Variants in FSTL5 observed in about 807,000 individuals in gnomAD.
FSTL5 encodes follistatin-related protein 5.
In FSTL5, 62 loss-of-function variants were observed where a neutral mutation model predicts 89.1. The ratio of observed to expected loss-of-function variants is 0.70; its 90% confidence interval spans 0.57 to 0.86. The LOEUF (loss-of-function observed/expected upper bound fraction) is 0.86, where lower values mean the gene tolerates loss of function less well. FSTL5 is among the 40% of genes least tolerant of loss of function. FSTL5 has a pLI of 0.00. For missense variants in FSTL5, 1,057 were observed against 1,001.6 expected (o/e 1.06, Z -0.75); for synonymous variants, 383 against 346.2 (o/e 1.11, Z -1.18).
At chr4:161,831,799 C>CATATATATAT (rs201582755) in intron 4 of FSTL5, among the ~76,000 whole-genome samples, 54 of 151,584 alleles carry the variant, frequency 3.6e-4, no homozygotes, top group African/African-American at 1.3e-3. Context: ...TATATAACAG[C>CATATATATAT]ATATATATAC....
At chr4:161,968,138 T>C (rs1182737911) in intron 3 of FSTL5, among the ~76,000 whole-genome samples, 1 of 152,064 alleles carries the variant, frequency 6.6e-6, no homozygotes, top group Non-Finnish European at 1.5e-5. Flanking sequence ...TAGTAATCAG[T>C]TTATTTTGCC....
chr4:162,054,691 CT>C (rs958317542), intron 2 of FSTL5, among the ~76,000 whole-genome samples: 3 of 151,694 alleles, frequency 2.0e-5, no homozygotes, highest in Non-Finnish European at 4.4e-5. Context: ...CTTTTTGTGT[CT>C]TTTTGAAGTG....
intron 14 of FSTL5, 29 bp from the exon 15 acceptor site, chr4:161,455,157 C>T: frequency 6.5e-7 from 1 of 1,543,764 alleles, no homozygotes. Flanking sequence ...GGTTAGACCT[C>T]AACAATGCAG....
intron 12 of FSTL5, among the ~76,000 whole-genome samples, chr4:161,499,025 C>T (rs1730197435): frequency 6.6e-6 from 1 of 151,906 alleles, no homozygotes; most frequent in African/African-American, 2.4e-5. Flanking sequence ...ATGGTGAAAC[C>T]ACCACGTCTC....
intron 1 of FSTL5, among the ~76,000 whole-genome samples, chr4:162,132,820 T>C (rs752224531): frequency 2.0e-5 from 3 of 152,216 alleles, no homozygotes; most frequent in Non-Finnish European, 4.4e-5. Flanking sequence ...GGCTCCCAGA[T>C]TGTCAGCCTG....
chr4:161,888,780 C>T (rs1732894826), intron 4 of FSTL5, among the ~76,000 whole-genome samples: 1 of 151,754 alleles, frequency 6.6e-6, no homozygotes. Flanking sequence ...TAATAATACC[C>T]AAAATATCAT....
In FSTL5 at chr4:161,695,895, C is replaced by T. The variant is rs1056194589; in HGVS notation, c.728-39401G>A. 2.6e-5 allele frequency among the ~76,000 whole-genome samples: 4 copies of T among 152,082 alleles called. No individual in the cohort carries two copies. The East Asian group carries it at 7.7e-4, about 29-fold the overall frequency. On this transcript the variant is annotated intron_variant, in intron 6 of 15. Coordinates refer to ENST00000306100, the MANE Select transcript of FSTL5 (RefSeq NM_020116.5). ...GATGTATATATTGAGAAGATTTTTT[C>T]CCATCCTGTGGGTTGTCTGTTTACT... is the stretch of plus-strand genomic sequence containing the variant.
At chr4:161,546,589 C>A (rs1265494714) in intron 8 of FSTL5, among the ~76,000 whole-genome samples, 1 of 151,732 alleles carries the variant, frequency 6.6e-6, no homozygotes. Context: ...ACATTATAGA[C>A]AGCTTTATGC....
rs1398667407 is a variant in FSTL5, at chr4:161,783,677, C to T, written c.410-7603G>A. The stretch of plus-strand genomic sequence containing the variant: ...TTTCTTTCTTTCTCTTTCTTTCTTT[C>T]TCTTTCTTTCTTTCTTTCTTTCTTT... On this transcript the variant is annotated intron_variant, in intron 4 of 15. Coordinates refer to ENST00000306100, the MANE Select transcript of FSTL5 (RefSeq NM_020116.5). 4.6e-3 allele frequency among the ~76,000 whole-genome samples: 38 copies of T among 8,184 alleles called. 2 individuals are homozygous for T. The highest frequency in any genetic ancestry group is 0.011 in the African/African-American group (34 of 3,174). The allele number at this position is 8,184 out of a possible 152,430, so 5.4% of individuals were successfully genotyped here. A position where few individuals can be genotyped will look rare whatever the true frequency, so the allele number is the denominator to read the frequency against.
At chr4:161,944,346 T>G (rs916670301) in intron 3 of FSTL5, among the ~76,000 whole-genome samples, 3 of 152,072 alleles carry the variant, frequency 2.0e-5, no homozygotes, top group Non-Finnish European at 4.4e-5. Flanking sequence ...AAAAAATCTA[T>G]TTTACATTTA....
intron 5 of FSTL5, among the ~76,000 whole-genome samples, chr4:161,761,624 A>C (rs1297769583): frequency 6.6e-6 from 1 of 152,166 alleles, no homozygotes. Context: ...TGGACTTCCC[A>C]CTTTATACTT....
At chr4:161,412,198 T>G (rs958320467) in intron 15 of FSTL5, among the ~76,000 whole-genome samples, 3 of 151,918 alleles carry the variant, frequency 2.0e-5, no homozygotes, top group African/African-American at 7.3e-5. Flanking sequence ...ATGGCACAAA[T>G]TAATAGAAAT....
chr4:161,962,895 A>T (rs1033368502), intron 3 of FSTL5, among the ~76,000 whole-genome samples: 1 of 152,012 alleles, frequency 6.6e-6, no homozygotes, highest in Admixed American at 6.6e-5. Context: ...AATTAATATA[A>T]AAATTTCATA....
At chr4:161,719,802 T>G (rs1490033658) in intron 6 of FSTL5, among the ~76,000 whole-genome samples, 2 of 152,206 alleles carry the variant, frequency 1.3e-5, no homozygotes, top group African/African-American at 2.4e-5. Flanking sequence ...TTTTGTATGT[T>G]GATTTTGTTG....
At chr4:161,757,735 C>A (rs1470696232) in intron 6 of FSTL5, among the ~76,000 whole-genome samples, 3 of 152,104 alleles carry the variant, frequency 2.0e-5, no homozygotes, top group Non-Finnish European at 4.4e-5. Flanking sequence ...TCTCCTGCCT[C>A]AGCGTCCCGA....
intron 1 of FSTL5, among the ~76,000 whole-genome samples, chr4:162,121,046 A>T (rs141873900): frequency 0.023 from 3,462 of 151,984 alleles, 121 homozygotes; most frequent in African/African-American, 0.076. Flanking sequence ...AGTTATATAC[A>T]AAGATGGTTA....
intron 14 of FSTL5, among the ~76,000 whole-genome samples, chr4:161,457,100 C>T (rs551779653): frequency 5.6e-4 from 85 of 152,302 alleles, no homozygotes; most frequent in African/African-American, 2.0e-3. Context: ...TAAACACTAA[C>T]ATGATCCATG....
intron 6 of FSTL5, among the ~76,000 whole-genome samples, chr4:161,710,420 A>G (rs1046732239): frequency 6.6e-6 from 1 of 152,216 alleles, no homozygotes; most frequent in Non-Finnish European, 1.5e-5. Flanking sequence ...ATTGCTTTCT[A>G]CAAGGCAGGT....
chr4:161,826,595 T>C (rs1057089320), intron 4 of FSTL5, among the ~76,000 whole-genome samples: 2 of 152,180 alleles, frequency 1.3e-5, no homozygotes, highest in Non-Finnish European at 2.9e-5. Flanking sequence ...TTATTTAGGA[T>C]TGTCATTTTG....
Sources: gnomAD v4.1 joint callset for allele counts (sites outside exome capture counted in the v4.1 genomes callset) on GRCh38, gnomAD v4.1.1 for gene constraint, MANE v1.5 for transcripts, NCBI Gene and HGNC (gene_info 2026-07-23, HGNC 2026-07-21) for gene names.